SORCS3: variants seen among roughly 807,000 people sequenced by gnomAD.
SORCS3 encodes the protein VPS10 domain-containing receptor SorCS3.
In SORCS3, 57 loss-of-function variants were observed where a neutral mutation model predicts 146.3. The ratio of observed to expected loss-of-function variants is 0.39; its 90% confidence interval spans 0.31 to 0.49. The LOEUF is 0.49. Ranked by LOEUF, SORCS3 falls within the 20% of genes least tolerant of loss-of-function variation. The probability of loss-of-function intolerance (pLI) is 0.92; values close to 1 mark genes in which losing one functional copy is unlikely to be tolerated. For missense variants in SORCS3, 1,341 were observed against 1,575.5 expected (o/e 0.85, Z 2.52); for synonymous variants, 653 against 618.5 (o/e 1.06, Z -0.83).
intron 1 of SORCS3, among the ~76,000 whole-genome samples, chr10:104,721,336 A>G (rs1029483001): frequency 6.6e-6 from 1 of 152,032 alleles, no homozygotes; most frequent in Non-Finnish European, 1.5e-5. Context: ...ATTGATCTAT[A>G]TTTCTGTTTT....
chr10:105,204,074 G>A (rs1017542701), intron 16 of SORCS3, among the ~76,000 whole-genome samples: 1 of 152,124 alleles, frequency 6.6e-6, no homozygotes, highest in African/African-American at 2.4e-5. Flanking sequence ...AAAGCACGGT[G>A]GGAGAGGCGA....
At chr10:104,826,721 G>GA (rs2017939731) in intron 1 of SORCS3, among the ~76,000 whole-genome samples, 1 of 152,184 alleles carries the variant, frequency 6.6e-6, no homozygotes, top group Non-Finnish European at 1.5e-5. Flanking sequence ...TTCAGAAAAT[G>GA]AGACCACAAT....
intron 14 of SORCS3, among the ~76,000 whole-genome samples, chr10:105,196,927 C>G (rs112037557): frequency 2.0e-5 from 3 of 152,098 alleles, no homozygotes; most frequent in African/African-American, 4.8e-5. Flanking sequence ...CCTCTACTCC[C>G]CTGGGGCTCT....
intron 3 of SORCS3, among the ~76,000 whole-genome samples, chr10:104,945,916 T>G (rs2019366110): frequency 6.6e-6 from 1 of 152,058 alleles, no homozygotes; most frequent in Admixed American, 6.6e-5. Flanking sequence ...GCGGCTGTTA[T>G]TTTTAAGACA....
intron 2 of SORCS3, among the ~76,000 whole-genome samples, chr10:104,846,689 CT>C (rs1396102723): frequency 6.6e-6 from 1 of 152,228 alleles, no homozygotes; most frequent in Non-Finnish European, 1.5e-5. Context: ...TGGTGCTCTT[CT>C]ACTGGTGGTG....
rs138338047 is a variant in SORCS3 at position 104,645,000 on chromosome 10, G to A, written c.627+3046G>A. 3.2e-3 allele frequency among the ~76,000 whole-genome samples: 482 copies of A among 152,346 alleles called. 2 individuals carry two copies. The highest frequency in any genetic ancestry group is 3.4e-3 in the Middle Eastern group (1 of 294). ...GGTGCAGGAGGAGACCCTTGACCAA[G>A]GCTTGGGCTGGGTATTTGCCTTGGT... On this transcript the variant is annotated intron_variant, in intron 1 of 26. Transcript: ENST00000369701.
intron 2 of SORCS3, among the ~76,000 whole-genome samples, chr10:104,868,164 G>C (rs1314575417): frequency 6.6e-6 from 1 of 152,218 alleles, no homozygotes; most frequent in Non-Finnish European, 1.5e-5. Flanking sequence ...GAATGCTTCA[G>C]AGCTCTGCTC....
At chr10:104,767,365 C>A (rs2017192711) in intron 1 of SORCS3, among the ~76,000 whole-genome samples, 1 of 152,044 alleles carries the variant, frequency 6.6e-6, no homozygotes, top group African/African-American at 2.4e-5. Flanking sequence ...AGGAAAAGCC[C>A]CGAGGAGCCT....
At chr10:104,844,653 A>C (rs2018183713) in intron 2 of SORCS3, among the ~76,000 whole-genome samples, 2 of 152,160 alleles carry the variant, frequency 1.3e-5, no homozygotes, top group African/African-American at 4.8e-5. Flanking sequence ...CATTTTACTT[A>C]ATCTCTGTCT....
chr10:105,243,638 G>T (rs1003556551), intron 20 of SORCS3, among the ~76,000 whole-genome samples: 1 of 152,098 alleles, frequency 6.6e-6, no homozygotes, highest in African/African-American at 2.4e-5. Context: ...GAACTCTGAG[G>T]TTTGCCCTTA....
intron 1 of SORCS3, among the ~76,000 whole-genome samples, chr10:104,829,422 G>C (rs1440844317): frequency 2.0e-5 from 3 of 152,182 alleles, no homozygotes; most frequent in Non-Finnish European, 2.9e-5. Context: ...TAGAGAACAG[G>C]AGAAGGGCTT....
chr10:104,781,282 G>C (rs866443695), intron 1 of SORCS3, among the ~76,000 whole-genome samples: 15 of 152,294 alleles, frequency 9.8e-5, no homozygotes, highest in Middle Eastern at 3.4e-3. Flanking sequence ...AGAAGGGCTG[G>C]GATTGGAGCC....
intron 4 of SORCS3, among the ~76,000 whole-genome samples, chr10:105,041,215 G>A (rs115005757): frequency 0.013 from 1,893 of 148,674 alleles, 23 homozygotes; most frequent in African/African-American, 0.034. Context: ...CACTCAACCA[G>A]CAGAATCTCT....
intron 1 of SORCS3, among the ~76,000 whole-genome samples, chr10:104,741,598 C>CT (rs372299038): frequency 7.7e-4 from 104 of 134,710 alleles, no homozygotes; most frequent in Middle Eastern, 4.5e-3. Flanking sequence ...CCCTGATGCT[C>CT]TTTTTTTTTT....
At chr10:104,644,352 C>CGA (rs1379388490) in intron 1 of SORCS3, among the ~76,000 whole-genome samples, 7 of 152,324 alleles carry the variant, frequency 4.6e-5, no homozygotes, top group Non-Finnish European at 1.0e-4. Flanking sequence ...GTAGGCAATA[C>CGA]GAGAGAGAGA....
chr10:105,202,591 G>T (rs538452620), intron 16 of SORCS3, among the ~76,000 whole-genome samples: 21 of 152,082 alleles, frequency 1.4e-4, no homozygotes, highest in Non-Finnish European at 2.4e-4. Context: ...ACATGTTTTT[G>T]ATTGTTCCAC....
chr10:104,682,810 G>A (rs1040176841), intron 1 of SORCS3, among the ~76,000 whole-genome samples: 1 of 152,246 alleles, frequency 6.6e-6, no homozygotes, highest in Non-Finnish European at 1.5e-5. Flanking sequence ...GTACCAGGAG[G>A]AAGGTTGGGA....
At chr10:104,986,965 A>G (rs2054965579) in intron 4 of SORCS3, among the ~76,000 whole-genome samples, 1 of 152,214 alleles carries the variant, frequency 6.6e-6, no homozygotes, top group Non-Finnish European at 1.5e-5. Context: ...TACTCTTGGA[A>G]AAATGGTGCT....
chr10:105,137,373 G>A (rs1263650398), intron 7 of SORCS3, among the ~76,000 whole-genome samples: 7 of 152,050 alleles, frequency 4.6e-5, no homozygotes, highest in African/African-American at 1.7e-4. Flanking sequence ...GACTCCTTTG[G>A]GGGTGATGAA....
Sources: allele counts gnomAD v4.1 joint callset (sites outside exome capture counted in the v4.1 genomes callset), GRCh38; gene constraint gnomAD v4.1.1; transcripts MANE v1.5; gene names NCBI Gene and HGNC (gene_info 2026-07-23, HGNC 2026-07-21).